GRM5: variants seen among roughly 807,000 people sequenced by gnomAD.
GRM5 encodes the protein metabotropic glutamate receptor 5.
In GRM5, 19 loss-of-function variants were observed where a neutral mutation model predicts 83.1. The ratio of observed to expected loss-of-function variants is 0.23; its 90% CI spans 0.16 to 0.34. The LOEUF is 0.34. Among genes scored for constraint, GRM5 ranks in the 10% least tolerant of loss-of-function variants. The pLI is 1.00. For synonymous variants in GRM5, 675 were observed against 633.6 expected (o/e 1.07, Z -0.98); for missense variants, 1,160 against 1,588.3 (o/e 0.73, Z 4.58).
chr11:88,841,607 C>T (rs1049739631), intron 3 of GRM5, among the ~76,000 whole-genome samples: 8 of 152,136 alleles, frequency 5.3e-5, no homozygotes, highest in African/African-American at 9.7e-5. Flanking sequence ...CCTTTTCTTT[C>T]GTTATGTTGG....
At chr11:88,973,970 G>A (rs113406894) in intron 2 of GRM5, among the ~76,000 whole-genome samples, 3,697 of 152,212 alleles carry the variant, frequency 0.024, 84 homozygotes, top group East Asian at 0.1. Context: ...ATGGGAGGAA[G>A]ATCAACACTT....
At chr11:88,694,429 T>C (rs559702099) in intron 3 of GRM5, among the ~76,000 whole-genome samples, 1 of 152,126 alleles carries the variant, frequency 6.6e-6, no homozygotes, top group African/African-American at 2.4e-5. Flanking sequence ...TAGAGGTGAA[T>C]GCAAGGATGT....
chr11:88,716,854 T>C (rs1409849604), intron 3 of GRM5, among the ~76,000 whole-genome samples: 1 of 151,956 alleles, frequency 6.6e-6, no homozygotes, highest in Non-Finnish European at 1.5e-5. Context: ...ACCATGATGG[T>C]TTTTATTCTA....
At chr11:88,607,069 C>T (rs1289230126) in intron 4 of GRM5, among the ~76,000 whole-genome samples, 1 of 151,784 alleles carries the variant, frequency 6.6e-6, no homozygotes, top group Non-Finnish European at 1.5e-5. Context: ...ATACTGACAC[C>T]TTTAATTTCC....
At chr11:88,571,413 C>T (rs1253423276) in intron 7 of GRM5, among the ~76,000 whole-genome samples, 2 of 151,996 alleles carry the variant, frequency 1.3e-5, no homozygotes, top group African/African-American at 2.4e-5. Flanking sequence ...GCCTTCATTG[C>T]AAAAAATACT....
chr11:88,926,560 G>C (rs1021240279), intron 2 of GRM5, among the ~76,000 whole-genome samples: 1 of 152,026 alleles, frequency 6.6e-6, no homozygotes, highest in African/African-American at 2.4e-5. Flanking sequence ...TTTGCTTAAA[G>C]ACTACTTTGT....
chr11:88,525,249 G>C, intron 9 of GRM5, 60 bp downstream of exon 9: 1 of 968,172 alleles, frequency 1.0e-6, no homozygotes, highest in Non-Finnish European at 1.7e-6. Flanking sequence ...GGAGCCACAT[G>C]TTCCTCTAGC....
chr11:88,770,238 T>C (rs192578003), intron 3 of GRM5, among the ~76,000 whole-genome samples: 9 of 152,008 alleles, frequency 5.9e-5, no homozygotes, highest in African/African-American at 1.2e-4. Flanking sequence ...GATAACTACA[T>C]GTAATATGGT....
intron 2 of GRM5, among the ~76,000 whole-genome samples, chr11:88,982,458 C>T (rs1339704881): frequency 6.6e-6 from 1 of 151,768 alleles, no homozygotes; most frequent in African/African-American, 2.4e-5. Flanking sequence ...TTTGTCATTG[C>T]CAAATTATTT....
chr11:88,596,625 A>T (rs1348781700), intron 6 of GRM5, among the ~76,000 whole-genome samples: 1 of 152,012 alleles, frequency 6.6e-6, no homozygotes, highest in East Asian at 1.9e-4. Context: ...CCCTGAAATC[A>T]TATTCATTTT....
chr11:88,633,075 G>A (rs563973147), intron 4 of GRM5, among the ~76,000 whole-genome samples: 30 of 152,260 alleles, frequency 2.0e-4, no homozygotes, highest in Admixed American at 1.8e-3. Context: ...GATAGGTATA[G>A]GAGATGCTCA....
intron 3 of GRM5, among the ~76,000 whole-genome samples, chr11:88,742,620 A>T (rs1258634230): frequency 1.3e-5 from 2 of 152,118 alleles, no homozygotes; most frequent in African/African-American, 4.8e-5. Context: ...TGAAGAGCCT[A>T]TGAGGAGAGG....
intron 1 of GRM5, among the ~76,000 whole-genome samples, chr11:89,064,338 A>G (rs1231603447): frequency 6.6e-6 from 1 of 152,210 alleles, no homozygotes; most frequent in African/African-American, 2.4e-5. Flanking sequence ...AAAAAATAGC[A>G]TATGACTTTA....
intron 3 of GRM5, among the ~76,000 whole-genome samples, chr11:88,756,707 T>C (rs530228794): frequency 1.3e-5 from 2 of 151,916 alleles, no homozygotes; most frequent in East Asian, 1.9e-4. Context: ...ATCAGCAAAA[T>C]TGAAGATAGG....
intron 3 of GRM5, among the ~76,000 whole-genome samples, chr11:88,738,286 ATGT>A (rs1345968561): frequency 6.6e-6 from 1 of 152,078 alleles, no homozygotes; most frequent in South Asian, 2.1e-4. Context: ...TATTTAATAA[ATGT>A]TGTGGGAAAA....
At chr11:88,937,063 G>C (rs1358962558) in intron 2 of GRM5, among the ~76,000 whole-genome samples, 1 of 151,568 alleles carries the variant, frequency 6.6e-6, no homozygotes, top group Non-Finnish European at 1.5e-5. Flanking sequence ...TAGCATTGTT[G>C]AGAGTAATTT....
chr11:88,868,918 C>A (rs539607110), intron 2 of GRM5, among the ~76,000 whole-genome samples: 1 of 151,716 alleles, frequency 6.6e-6, no homozygotes, highest in Non-Finnish European at 1.5e-5. Context: ...TGGTCTAATT[C>A]TCCTGTCCTC....
At chr11:88,559,834 C>T (rs1454766584) in intron 8 of GRM5, among the ~76,000 whole-genome samples, 2 of 152,132 alleles carry the variant, frequency 1.3e-5, no homozygotes, top group Non-Finnish European at 2.9e-5. Context: ...AAGAGTCTTT[C>T]AATTAAACAG....
In GRM5 at chr11:88,952,739, G is replaced by T. The variant is rs564636915; in HGVS notation, c.661+94473C>A. On this transcript the variant is annotated intron_variant, in intron 2 of 9. Transcript: ENST00000305447. ...ATGTATAGAGGAAATCAAACAATGG[G>T]TATCCATTTTAAAAATAAATCAGAA... is the stretch of plus-strand genomic sequence containing the variant. 7.3e-5 allele frequency among the ~76,000 whole-genome samples: 11 copies of T among 151,666 alleles called. No individual in the cohort carries two copies. The South Asian group carries it at 2.1e-3, about 29-fold the overall frequency.
Sources: gnomAD v4.1 joint callset for allele counts (sites outside exome capture counted in the v4.1 genomes callset) on GRCh38, gnomAD v4.1.1 for gene constraint, MANE v1.5 for transcripts, NCBI Gene and HGNC (gene_info 2026-07-23, HGNC 2026-07-21) for gene names.